Variants in ERICH1 observed in about 807,000 individuals in gnomAD.
ERICH1 encodes glutamate-rich protein 1.
In ERICH1, 56 loss-of-function variants were observed where a neutral mutation model predicts 39.6. That is an observed-to-expected ratio of 1.41 (90% CI 1.14 to 1.77). The LOEUF (loss-of-function observed/expected upper bound fraction) is 1.77. Ranked by LOEUF, ERICH1 falls within the 40% of genes most tolerant of loss-of-function variation. The pLI, the probability that ERICH1 is intolerant of heterozygous loss-of-function variation, is 0.00. For missense variants in ERICH1, 826 were observed against 575.4 expected (o/e 1.44, Z -4.45); for synonymous variants, 313 against 223.6 (o/e 1.40, Z -3.57).
At chr8:641,177 C>T (rs757539589) in intron 3 of ERICH1, 3 of 152,182 alleles carry the variant, frequency 2.0e-5, no homozygotes, top group Non-Finnish European at 4.4e-5. Flanking sequence ...AACAGAGACA[C>T]TGGTGGAAAA....
chr8:634,187 CAAA>C lies in ERICH1; in HGVS notation c.977-18906_977-18904del, dbSNP rs1161067113. Among the ~76,000 whole-genome samples, 275 of 111,694 alleles carry C rather than the reference CAAA, an allele frequency of 2.5e-3. 1 individual carries two copies. Among genetic ancestry groups the C allele is most frequent in the African/African-American group, 9.2e-3 (267 of 28,926 alleles). The allele number at this position is 111,694 out of a possible 152,430, so 73.3% of individuals were successfully genotyped here. On this transcript the variant is annotated intron_variant, in intron 3 of 3. Transcript: ENST00000522706. ...AAAACTCAAAAAAAAAAAAAAAAAA[CAAA>C]CAAAAAAAACCCTGATTCAAAAATG...
chr8:641,987 C>T (rs1799042391), intron 3 of ERICH1, among the ~76,000 whole-genome samples: 1 of 152,252 alleles, frequency 6.6e-6, no homozygotes, highest in African/African-American at 2.4e-5. Context: ...TTCGCAGCTG[C>T]CACCTGCTCA....
At chr8:651,008 C>T (rs1359925664) in intron 3 of ERICH1, among the ~76,000 whole-genome samples, 1 of 152,222 alleles carries the variant, frequency 6.6e-6, no homozygotes, top group Non-Finnish European at 1.5e-5. Context: ...ACCCCTCGTT[C>T]GTCCACGATA....
At chr8:692,707 C>T in intron 2 of ERICH1, 95 bp from the exon 3 acceptor site, 1 of 1,338,850 alleles carries the variant, frequency 7.5e-7, no homozygotes, top group Non-Finnish European at 1.0e-6. Context: ...TCTCTAAATT[C>T]ATTCAAGACA....
chr8:641,406 A>C (rs1798961144), intron 3 of ERICH1, among the ~76,000 whole-genome samples: 1 of 152,234 alleles, frequency 6.6e-6, no homozygotes. Context: ...AAAAGAGAAA[A>C]AGAAATCCCC....
At chr8:654,011 A>G (rs1800303014) in intron 3 of ERICH1, among the ~76,000 whole-genome samples, 1 of 152,314 alleles carries the variant, frequency 6.6e-6, no homozygotes, top group East Asian at 1.9e-4. Flanking sequence ...AGAGACAGAA[A>G]GTAGGATGGC....
In ERICH1 at chr8:645,425, AC is replaced by A. The variant is rs1372614965; in HGVS notation, c.976+23172del. 2.9e-5 allele frequency among the ~76,000 whole-genome samples: 2 copies of A among 69,092 alleles called. 1 individual carries two copies. Among genetic ancestry groups the A allele is most frequent in the Non-Finnish European group, 9.1e-5 (2 of 21,980 alleles). The allele number at this position is 69,092 out of a possible 152,430, so 45.3% of individuals were successfully genotyped here. ...AGAAGATACTTTGATTATTTAGAAAACACCGCATGCCTGATACTGTGCTTGA... is the reference window on the plus strand; with the variant it reads ...AGAAGATACTTTGATTATTTAGAAAAACCGCATGCCTGATACTGTGCTTGA... On this transcript the variant is annotated intron_variant, in intron 3 of 3. Transcript: ENST00000522706.
At chr8:632,193 G>C (rs185716611) in intron 3 of ERICH1, among the ~76,000 whole-genome samples, 1 of 152,170 alleles carries the variant, frequency 6.6e-6, no homozygotes, top group Non-Finnish European at 1.5e-5. Flanking sequence ...TTTTGATGTT[G>C]TAGTGATTTG....
rs1796934661 is a variant in ERICH1 at position 616,819 on chromosome 8, G to GA, written c.977-1536_977-1535insT. On this transcript the variant is annotated intron_variant, in intron 3 of 3. Coordinates refer to the ERICH1 transcript ENST00000522706. ...GGGAAGAGAGGGGGGAGGAAGAGAC[G>GA]GGGGGAGAGAGAGAGAAAGAGAGAG... Among the ~76,000 whole-genome samples, 2 of 44,084 alleles carry GA rather than the reference G, an allele frequency of 4.5e-5. 1 individual carries two copies. The highest frequency in any genetic ancestry group is 3.0e-4 in the African/African-American group (2 of 6,704). The allele number at this position is 44,084 out of a possible 152,430, so 28.9% of individuals were successfully genotyped here. A position where few individuals can be genotyped will look rare whatever the true frequency, so the allele number is the denominator to read the frequency against.
chr8:616,613 G>C (rs1181045688), intron 3 of ERICH1: 3 of 455,264 alleles, frequency 6.6e-6, no homozygotes, highest in African/African-American at 4.0e-5. Context: ...ATAAGAGTGA[G>C]TGGGGAGAGG....
intron 3 of ERICH1, among the ~76,000 whole-genome samples, chr8:629,071 C>T (rs1183646275): frequency 3.3e-5 from 5 of 152,182 alleles, no homozygotes; most frequent in African/African-American, 1.2e-4. Flanking sequence ...CAGGTCAGGA[C>T]ACAGTCCGAA....
At chr8:731,065 C>T (rs1166272812) in intron 1 of ERICH1, 75 bp downstream of exon 1, 3 of 1,374,818 alleles carry the variant, frequency 2.2e-6, no homozygotes, top group African/African-American at 3.0e-5. Flanking sequence ...GGGTCGGGGT[C>T]CCGAGTCAAC....
At position 634,173 on chromosome 8, in the gene ERICH1, A is replaced by AC. The variant is rs1159388592; in HGVS notation, c.977-18890_977-18889insG. ...TATAGAGAACTCCTAAAACTCAAAA[A>AC]AAAAAAAAAAAAACAAACAAAAAAA... is the stretch of plus-strand genomic sequence containing the variant. On this transcript the variant is annotated intron_variant, in intron 3 of 3. Transcript: ENST00000522706. 2.1e-3 allele frequency among the ~76,000 whole-genome samples: 283 copies of AC among 135,014 alleles called. 2 individuals carry two copies. Among genetic ancestry groups the AC allele is most frequent in the African/African-American group, 7.2e-3 (244 of 33,970 alleles). The allele number at this position is 135,014 out of a possible 152,430, so 88.6% of individuals were successfully genotyped here.
chr8:629,307 G>A (rs966551146), intron 3 of ERICH1, among the ~76,000 whole-genome samples: 10 of 151,876 alleles, frequency 6.6e-5, no homozygotes, highest in Admixed American at 3.3e-4. Context: ...ACACCCTCCC[G>A]TGACCACCCA....
At chr8:661,629 C>G (rs1236977874), downstream of ERICH1, among the ~76,000 whole-genome samples, 1 of 152,198 alleles carries the variant, frequency 6.6e-6, no homozygotes, top group Non-Finnish European at 1.5e-5. Flanking sequence ...TATCTAACTT[C>G]AAACACAGTG....
intron 3 of ERICH1, among the ~76,000 whole-genome samples, chr8:652,061 G>A (rs750941438): frequency 7.9e-5 from 12 of 152,158 alleles, no homozygotes; most frequent in Admixed American, 2.0e-4. Context: ...GAGCGTTTGC[G>A]GGCGCTGGGG....
intron 1 of ERICH1, among the ~76,000 whole-genome samples, chr8:724,887 C>T (rs1268498337): frequency 1.3e-5 from 2 of 152,050 alleles, no homozygotes; most frequent in African/African-American, 2.4e-5. Context: ...CCTGCACCCA[C>T]GCCGCCTGGC....
intron 2 of ERICH1, among the ~76,000 whole-genome samples, chr8:712,363 T>C (rs1309430691): frequency 8.1e-6 from 1 of 122,996 alleles, no homozygotes; most frequent in African/African-American, 3.1e-5. Context: ...TTGTACACAT[T>C]TGTTAGATCT....
At chr8:651,879 AGT>A (rs1340451904) in intron 3 of ERICH1, among the ~76,000 whole-genome samples, 2 of 152,220 alleles carry the variant, frequency 1.3e-5, no homozygotes, top group Admixed American at 6.5e-5. Flanking sequence ...CTTAAGAGAA[AGT>A]GTGTTTCATT....
Sources: gnomAD v4.1 joint callset for allele counts (sites outside exome capture counted in the v4.1 genomes callset) on GRCh38, gnomAD v4.1.1 for gene constraint, MANE v1.5 for transcripts, NCBI Gene and HGNC (gene_info 2026-07-23, HGNC 2026-07-21) for gene names.